Variants in IP6K3 observed in about 807,000 individuals in gnomAD.
IP6K3 encodes the protein inositol hexakisphosphate kinase 3.
In IP6K3, 20 loss-of-function variants were observed where a neutral mutation model predicts 28.8. That is an observed-to-expected ratio of 0.70 (90% CI 0.49 to 1.01). The LOEUF is 1.01. Among genes scored for constraint, IP6K3 ranks in the 50% least tolerant of loss-of-function variants. The probability of loss-of-function intolerance (pLI) is 0.00; values close to 1 mark genes in which losing one functional copy is unlikely to be tolerated. For missense variants in IP6K3, 480 were observed against 537.1 expected (o/e 0.89, Z 1.05); for synonymous variants, 213 against 221.3 (o/e 0.96, Z 0.33).
chr6:33,755,741 A>C, the IP6K3 span, among the ~76,000 whole-genome samples: 1 of 152,236 alleles, frequency 6.6e-6, no homozygotes, highest in Non-Finnish European at 1.5e-5. Context: ...TTCCGCACGC[A>C]TGGCTGCACT....
At chr6:33,725,835 T>C (rs2127349124) in intron 4 of IP6K3, among the ~76,000 whole-genome samples, 1 of 152,358 alleles carries the variant, frequency 6.6e-6, no homozygotes, top group Middle Eastern at 3.4e-3. Flanking sequence ...AGGGGGAGTT[T>C]ATGAGTATGT....
At chr6:33,752,537 G>A in the IP6K3 span, among the ~76,000 whole-genome samples, 1 of 152,242 alleles carries the variant, frequency 6.6e-6, no homozygotes, top group Non-Finnish European at 1.5e-5. Flanking sequence ...ACCACAGCTG[G>A]AGGGGCCCTG....
intron 4 of IP6K3, 75 bp downstream of exon 4, chr6:33,726,656 T>A: frequency 7.0e-7 from 1 of 1,420,674 alleles, no homozygotes; most frequent in South Asian, 1.4e-5. Context: ...GTGTTTCCTC[T>A]ACCCACCTCT....
At chr6:33,751,521 T>TGTGTGTGTGTGTGTGTGC (rs1315644990), upstream of IP6K3, among the ~76,000 whole-genome samples, 8 of 51,118 alleles carry the variant, frequency 1.6e-4, no homozygotes, top group Non-Finnish European at 2.3e-4. This position sits in a 1 kb window ranked among gnomAD's most constrained non-coding sequence, Gnocchi z 4.3. Flanking sequence ...TGTGTGTGTT[T>TGTGTGTGTGTGTGTGTGC]GGCCCCGGGA....
At chr6:33,736,259 T>C (rs1582217482) in intron 1 of IP6K3, among the ~76,000 whole-genome samples, 1 of 152,216 alleles carries the variant, frequency 6.6e-6, no homozygotes, top group African/African-American at 2.4e-5. Flanking sequence ...GTGCAGAGAC[T>C]GTATCTTAAC....
In IP6K3 at chr6:33,730,102, G is replaced by A. The variant is rs185040891; in HGVS notation, c.200-1802C>T. Among the ~76,000 whole-genome samples, 284 of 152,268 alleles carry A rather than the reference G, an allele frequency of 1.9e-3. 1 individual carries two copies. Among genetic ancestry groups the A allele is most frequent in the African/African-American group, 6.0e-3 (248 of 41,566 alleles). On this transcript the variant is annotated intron_variant, in intron 2 of 5. Coordinates refer to ENST00000293756, the MANE Select transcript of IP6K3 (RefSeq NM_054111.5). ...GGCCCTGACCGAAAGAGGGTAGGCC[G>A]CATGTTTTTATGTCCTTCAAGCTGT...
chr6:33,744,988 C>A lies in IP6K3; in HGVS notation c.-180+1770G>T, dbSNP rs1250722620. On this transcript the variant is annotated intron_variant, in intron 1 of 5. Coordinates refer to ENST00000293756, the MANE Select transcript of IP6K3 (RefSeq NM_054111.5). This position sits in a 1 kb window ranked among gnomAD's most constrained non-coding sequence, Gnocchi z 4.4. Reference sequence around the variant, plus strand: ...TGTCCATCCCGCCCAGGCTGTGGCACCCTGGTGGGTGGGTGAGGCCTCTCA... The same window carrying A: ...TGTCCATCCCGCCCAGGCTGTGGCAACCTGGTGGGTGGGTGAGGCCTCTCA... Among the ~76,000 whole-genome samples the A allele has an allele frequency of 1.3e-5, 2 of 152,218 alleles. No homozygotes were observed. The highest frequency in any genetic ancestry group is 1.9e-4 in the East Asian group (1 of 5,186).
chr6:33,727,881 C>T (rs1766174936), intron 3 of IP6K3: 1 of 985,324 alleles, frequency 1.0e-6, no homozygotes, highest in Non-Finnish European at 1.2e-6. Flanking sequence ...GGATAAAATG[C>T]ATCGTAATCC....
intron 1 of IP6K3, among the ~76,000 whole-genome samples, chr6:33,740,150 C>T (rs1766666611): frequency 6.6e-6 from 1 of 152,202 alleles, no homozygotes; most frequent in African/African-American, 2.4e-5. Flanking sequence ...CCCTACAGCT[C>T]AGACCCCTTG....
At chr6:33,760,946 C>T in the IP6K3 span, among the ~76,000 whole-genome samples, 2 of 151,288 alleles carry the variant, frequency 1.3e-5, no homozygotes, top group Non-Finnish European at 2.9e-5. Context: ...CACGAGACTA[C>T]GCATCCTCTT....
rs1322763650 is a variant in IP6K3 at position 33,744,843 on chromosome 6, A to G, written c.-180+1915T>C. Among the ~76,000 whole-genome samples, 2 of 151,104 alleles carry G rather than the reference A, an allele frequency of 1.3e-5. No homozygotes were observed. The highest frequency in any genetic ancestry group is 4.8e-5 in the African/African-American group (2 of 41,266). ...ATAACATCTCTTGCCCTCCCCTCCC[A>G]CTGCTTAACCAGGGTCAGGGGCTGA... On this transcript the variant is annotated intron_variant, in intron 1 of 5. Transcript: ENST00000293756. This position sits in a 1 kb window ranked among gnomAD's most constrained non-coding sequence, Gnocchi z 4.4.
At chr6:33,756,117 G>A in the IP6K3 span, among the ~76,000 whole-genome samples, 5,496 of 152,270 alleles carry the variant, frequency 0.036, 335 homozygotes, top group African/African-American at 0.12. Context: ...ACCTGCCCTG[G>A]CCTCCCAAAA....
chr6:33,727,827 G>A lies in IP6K3; in HGVS notation c.413+260C>T, dbSNP rs867102486. On this transcript the variant is annotated intron_variant, in intron 3 of 5. Transcript: ENST00000293756. ...ATATTTAATTAAACAAATATGTACT[G>A]AATACCTACTCAGTAGACAACTCTG... is the stretch of plus-strand genomic sequence containing the variant. The A allele has an allele frequency of 4.1e-6, 4 of 985,182 alleles. No homozygotes were observed. In the South Asian group the frequency reaches 1.9e-4, roughly 46 times the overall value. 61.0% of individuals were successfully genotyped at this position (985,182 alleles called of 1,614,324 possible). A position where few individuals can be genotyped will look rare whatever the true frequency, so the allele number is the denominator to read the frequency against.
In IP6K3 at chr6:33,725,450, G is replaced by A. The variant is rs761129899; in HGVS notation, c.756C>T (p.Cys252=). Residue 252 remains cysteine, a synonymous_variant, in exon 5 of 6, where the codon TGC becomes TGT. Coordinates refer to ENST00000293756, the MANE Select transcript of IP6K3 (RefSeq NM_054111.5). ...GTCCCCTGCGACCTACCTGCATGCC[G>A]CAGATGCGCACACCCAGGCAGGCTG... ...STSACLGVRI[C]GMQVYQTDKK... 4.3e-6 allele frequency: 7 copies of A among 1,609,756 alleles called. No individual in the cohort carries two copies. In the East Asian group the frequency reaches 6.7e-5, roughly 15 times the overall value.
In IP6K3 at chr6:33,744,823, A is replaced by T. The variant is rs1479384697; in HGVS notation, c.-180+1935T>A. On this transcript the variant is annotated intron_variant, in intron 1 of 5. Transcript: ENST00000293756. This position sits in a 1 kb window ranked among gnomAD's most constrained non-coding sequence, Gnocchi z 4.4. ...GATTCTCCCCATAACGTTCTATAACATCTCTTGCCCTCCCCTCCCACTGCT... is the reference window on the plus strand; with the variant it reads ...GATTCTCCCCATAACGTTCTATAACTTCTCTTGCCCTCCCCTCCCACTGCT... 6.6e-6 allele frequency among the ~76,000 whole-genome samples: 1 copy of T among 152,214 alleles called. No individual in the cohort carries two copies. The highest frequency in any genetic ancestry group is 1.5e-5 in the Non-Finnish European group (1 of 68,036).
intron 1 of IP6K3, among the ~76,000 whole-genome samples, chr6:33,737,387 C>T (rs1357057054): frequency 1.3e-5 from 2 of 152,128 alleles, no homozygotes; most frequent in African/African-American, 4.8e-5. Context: ...CTGTCACCAC[C>T]GAGTTATTAA....
chr6:33,723,602 C>G (rs1765993462), intron 5 of IP6K3, among the ~76,000 whole-genome samples: 1 of 152,204 alleles, frequency 6.6e-6, no homozygotes, highest in East Asian at 1.9e-4. Context: ...AGCCAATGGC[C>G]TTGGAAAGCC....
chr6:33,726,228 A>G (rs1229772706), intron 4 of IP6K3, among the ~76,000 whole-genome samples: 2 of 152,184 alleles, frequency 1.3e-5, no homozygotes, highest in Non-Finnish European at 2.9e-5. Flanking sequence ...ACCTCCTCCC[A>G]TAGTCTACCC....
intron 2 of IP6K3, among the ~76,000 whole-genome samples, chr6:33,730,684 C>T (rs76631016): frequency 0.036 from 5,423 of 152,162 alleles, 120 homozygotes; most frequent in Non-Finnish European, 0.051. Context: ...AGTCACAGTA[C>T]GCCTGTAAGG....
Sources: allele counts gnomAD v4.1 joint callset (sites outside exome capture counted in the v4.1 genomes callset), GRCh38; gene constraint gnomAD v4.1.1; non-coding constraint Gnocchi (gnomAD v3.1); transcripts MANE v1.5; gene names NCBI Gene and HGNC (gene_info 2026-07-23, HGNC 2026-07-21).